PCDHGA6: variants seen among roughly 807,000 people sequenced by gnomAD.
PCDHGA6 encodes protocadherin gamma-A6.
A neutral mutation model predicts 60.6 loss-of-function variants in PCDHGA6; 41 were observed. The observed-to-expected ratio is 0.68, with a 90% CI of 0.53 to 0.88. The LOEUF (loss-of-function observed/expected upper bound fraction) is 0.88, where lower values mean the gene tolerates loss of function less well. Ranked by LOEUF, PCDHGA6 falls within the 40% of genes least tolerant of loss-of-function variation. The pLI is 0.00. For missense variants in PCDHGA6, 1,312 were observed against 1,203.0 expected (o/e 1.09, Z -1.34); for synonymous variants, 594 against 524.4 (o/e 1.13, Z -1.81).
intron 2 of PCDHGA6, among the ~76,000 whole-genome samples, chr5:141,495,193 T>C (rs1471524188): frequency 6.6e-6 from 1 of 152,192 alleles, no homozygotes; most frequent in Admixed American, 6.5e-5. Context: ...TCTATGCCCA[T>C]GTACTGCCTA....
intron 3 of PCDHGA6, 69 bp from the exon 4 acceptor site, chr5:141,510,878 G>A (rs896348248): frequency 6.2e-7 from 1 of 1,610,438 alleles, no homozygotes; most frequent in African/African-American, 1.3e-5. Context: ...TTAACTGCTG[G>A]GGATATAAGA....
intron 1 of PCDHGA6, chr5:141,384,561 C>T (rs778010622): frequency 3.7e-6 from 6 of 1,614,254 alleles, no homozygotes; most frequent in Admixed American, 3.3e-5. Context: ...TCGTGCTGGA[C>T]CAGAATGACA....
chr5:141,399,407 C>T (rs1168752842), intron 1 of PCDHGA6: 5 of 1,613,914 alleles, frequency 3.1e-6, no homozygotes, highest in Non-Finnish European at 4.2e-6. Context: ...GGCAAGCCGC[C>T]CCTCTCCTCC....
Position 141,487,106 on chromosome 5 carries a change from A to G in PCDHGA6, c.2425-7701A>G, listed in dbSNP as rs777727830. ...TGACCTCCCACCACAGAAGCTGGTC[A>G]TTGTGGTAAAGGATAGTGGTAGTCC... On this transcript the variant is annotated intron_variant, in intron 1 of 3. Transcript: ENST00000517434. The surrounding 1 kb of genome is among the most constrained non-coding windows in gnomAD (Gnocchi z 5.0). 1 of 1,613,902 alleles carries G rather than the reference A, an allele frequency of 6.2e-7. No individual in the cohort carries two copies. The highest frequency in any genetic ancestry group is 1.3e-5 in the African/African-American group (1 of 75,028).
chr5:141,374,287 C>G lies in PCDHGA6; in HGVS notation c.204C>G (p.Ser68=). 6.2e-7 allele frequency: 1 copy of G among 1,613,992 alleles called. No homozygotes were observed. Among genetic ancestry groups the G allele is most frequent in the Non-Finnish European group, 8.5e-7 (1 of 1,179,860 alleles). The change falls in exon 1 of 4, where the codon TCC becomes TCG. Residue 68 remains serine, a synonymous_variant. Coordinates refer to ENST00000517434, the MANE Select transcript of PCDHGA6 (RefSeq NM_018919.3). ...ELAEHGVRIV[S]RGRMQLFSLN... ...CGGAGCACGGAGTCCGCATCGTCTC[C>G]AGAGGTAGGATGCAGCTTTTCTCTC...
Position 141,477,685 on chromosome 5 carries a change from G to A in PCDHGA6, c.2425-17122G>A, listed in dbSNP as rs1218415502. ...ACAATGGCATAGTGTCATCCTTAGT[G>A]CCCCTAGACTATGAGGATCGGCGGG... On this transcript the variant is annotated intron_variant, in intron 1 of 3. Transcript: ENST00000517434. This position sits in a 1 kb window ranked among gnomAD's most constrained non-coding sequence, Gnocchi z 4.9. The A allele has an allele frequency of 6.2e-7, 1 of 1,614,116 alleles. No individual in the cohort carries two copies. The highest frequency in any genetic ancestry group is 8.5e-7 in the Non-Finnish European group (1 of 1,180,040).
intron 1 of PCDHGA6, chr5:141,404,152 T>C (rs769503668): frequency 1.9e-5 from 31 of 1,612,848 alleles, no homozygotes; most frequent in Non-Finnish European, 2.0e-5. Flanking sequence ...CAGAAGAAGA[T>C]TATTACAGAT....
At chr5:141,509,887 T>C (rs138950510) in intron 3 of PCDHGA6, among the ~76,000 whole-genome samples, 1 of 152,314 alleles carries the variant, frequency 6.6e-6, no homozygotes, top group East Asian at 1.9e-4. Flanking sequence ...TGATGGTGAC[T>C]GACTGTCCCT....
chr5:141,460,377 T>C (rs1592666836), intron 1 of PCDHGA6, among the ~76,000 whole-genome samples: 1 of 152,342 alleles, frequency 6.6e-6, no homozygotes, highest in Non-Finnish European at 1.5e-5. Flanking sequence ...AGTTTTACCA[T>C]TTATAATTTG....
rs190948188 is a variant in PCDHGA6 at position 141,505,972 on chromosome 5, C to T, written c.2572+491C>T. Among the ~76,000 whole-genome samples the T allele has an allele frequency of 5.4e-4, 82 of 152,250 alleles. 1 individual carries two copies. The highest frequency in any genetic ancestry group is 1.9e-3 in the African/African-American group (79 of 41,558). ...GAAAGTGGGTGTAGAAATCCCCAGC[C>T]GAGAGAACACCTCCTCTTTATGCGA... On this transcript the variant is annotated intron_variant, in intron 3 of 3. Transcript: ENST00000517434.
chr5:141,430,957 C>T (rs771551541), intron 1 of PCDHGA6: 42 of 1,611,532 alleles, frequency 2.6e-5, no homozygotes, highest in Middle Eastern at 3.3e-4. Context: ...GAGTCCGCAT[C>T]ATCCCCAGAG....
At chr5:141,393,592 G>C in intron 1 of PCDHGA6, 1 of 1,613,908 alleles carries the variant, frequency 6.2e-7, no homozygotes, top group Non-Finnish European at 8.5e-7. Context: ...CCAGGCACGC[G>C]GCTGCTTACT....
chr5:141,505,645 G>A (rs997169182), intron 3 of PCDHGA6, 164 bp downstream of exon 3: 2 of 964,274 alleles, frequency 2.1e-6, no homozygotes, highest in African/African-American at 1.8e-5. Flanking sequence ...GCCTGGAATT[G>A]TGGCTAAGGA....
intron 1 of PCDHGA6, among the ~76,000 whole-genome samples, chr5:141,435,245 G>A (rs577996994): frequency 6.6e-6 from 1 of 152,132 alleles, no homozygotes; most frequent in Admixed American, 6.5e-5. Context: ...ATTCTTTCTG[G>A]CCATTAGGGA....
chr5:141,396,112 A>G (rs916569843), intron 1 of PCDHGA6: 4 of 152,232 alleles, frequency 2.6e-5, no homozygotes, highest in Non-Finnish European at 2.9e-5. Flanking sequence ...TTAAGAACCA[A>G]TGTTTCAGGT....
At chr5:141,453,351 C>A (rs1210851703) in intron 1 of PCDHGA6, among the ~76,000 whole-genome samples, 2 of 151,738 alleles carry the variant, frequency 1.3e-5, no homozygotes, top group Non-Finnish European at 2.9e-5. Flanking sequence ...CCAGGCTGAC[C>A]CTGAACTCCT....
chr5:141,465,483 A>T (rs1279787337), intron 1 of PCDHGA6, among the ~76,000 whole-genome samples: 1 of 152,236 alleles, frequency 6.6e-6, no homozygotes, highest in Non-Finnish European at 1.5e-5. Flanking sequence ...TCATGAGAGG[A>T]ATGAGCGGGA....
chr5:141,418,579 A>G (rs1561774780), intron 1 of PCDHGA6: 1 of 1,614,000 alleles, frequency 6.2e-7, no homozygotes, highest in Admixed American at 1.7e-5. Flanking sequence ...ACAACCCCCC[A>G]GTGTTCAGCC....
In PCDHGA6 at chr5:141,399,169, C is replaced by G. The variant is rs371809310; in HGVS notation, c.2424+22662C>G. On this transcript the variant is annotated intron_variant, in intron 1 of 3. Transcript: ENST00000517434. ...TAGCCCAGAAGTTACATTCCATTCT[C>G]TACTTGAAATGATTCTGGAAAACGC... 2.4e-5 allele frequency: 38 copies of G among 1,613,632 alleles called. No individual in the cohort carries two copies. In the African/African-American group the frequency reaches 4.0e-4, roughly 17 times the overall value.
Sources: gnomAD v4.1 joint callset for allele counts (sites outside exome capture counted in the v4.1 genomes callset) on GRCh38, gnomAD v4.1.1 for gene constraint, Gnocchi (gnomAD v3.1) non-coding constraint, MANE v1.5 for transcripts, NCBI Gene and HGNC (gene_info 2026-07-23, HGNC 2026-07-21) for gene names.